Variants in NAV2 observed in about 807,000 individuals in gnomAD.
NAV2 encodes the protein helicase, APC down-regulated 1.
Under a neutral mutation model 223.2 loss-of-function variants are expected in NAV2, and 54 were observed. The observed-to-expected ratio is 0.24, with a 90% confidence interval of 0.19 to 0.30. The LOEUF (loss-of-function observed/expected upper bound fraction) is 0.30, where lower values mean the gene tolerates loss of function less well. Among genes scored for constraint, NAV2 ranks in the 10% least tolerant of loss-of-function variants. The probability of loss-of-function intolerance (pLI) is 1.00; values close to 1 mark genes in which losing one functional copy is unlikely to be tolerated. For missense variants in NAV2, 2,806 were observed against 3,147.5 expected (o/e 0.89, Z 2.60); for synonymous variants, 1,279 against 1,239.3 (o/e 1.03, Z -0.67).
chr11:19,723,546 C>A (rs763673016), intron 1 of NAV2, among the ~76,000 whole-genome samples: 6 of 152,238 alleles, frequency 3.9e-5, no homozygotes, highest in Non-Finnish European at 8.8e-5. Context: ...GGAGCCTACT[C>A]CCTGCTTCCC....
chr11:19,446,779 A>T (rs1481650816), intron 1 of NAV2, among the ~76,000 whole-genome samples: 1 of 152,126 alleles, frequency 6.6e-6, no homozygotes, highest in Non-Finnish European at 1.5e-5. Context: ...AGGTCATTGT[A>T]AAGGCCATTG....
intron 12 of NAV2, among the ~76,000 whole-genome samples, chr11:20,037,600 G>C (rs1267034552): frequency 6.6e-6 from 1 of 152,172 alleles, no homozygotes; most frequent in Admixed American, 6.6e-5. Context: ...GACTAGAAAG[G>C]GGGCCATGGG....
chr11:19,607,270 C>G (rs906191524), intron 1 of NAV2, among the ~76,000 whole-genome samples: 1 of 152,210 alleles, frequency 6.6e-6, no homozygotes, highest in African/African-American at 2.4e-5. Flanking sequence ...CTTCCACTGT[C>G]TGCCTTTGAA....
At chr11:19,531,226 A>G (rs1228005777) in intron 1 of NAV2, among the ~76,000 whole-genome samples, 3 of 152,230 alleles carry the variant, frequency 2.0e-5, no homozygotes, top group Non-Finnish European at 4.4e-5. Context: ...AACAGAAGAT[A>G]GACATGGAAA....
intron 1 of NAV2, among the ~76,000 whole-genome samples, chr11:19,587,029 G>T (rs1293057928): frequency 6.6e-6 from 1 of 152,214 alleles, no homozygotes; most frequent in Non-Finnish European, 1.5e-5. Context: ...GCTCCACCCA[G>T]TTCGAGCTTC....
chr11:19,418,805 T>A (rs1850488337), intron 1 of NAV2, among the ~76,000 whole-genome samples: 1 of 152,160 alleles, frequency 6.6e-6, no homozygotes, highest in Non-Finnish European at 1.5e-5. Context: ...GAGTTGCATC[T>A]GCTATATAGC....
intron 11 of NAV2, among the ~76,000 whole-genome samples, chr11:20,009,303 G>A (rs1210787403): frequency 6.6e-6 from 1 of 152,110 alleles, no homozygotes; most frequent in East Asian, 1.9e-4. Context: ...AGCGTCTAGA[G>A]TAACTTCAGT....
At chr11:19,649,521 G>A (rs2047906506) in intron 1 of NAV2, among the ~76,000 whole-genome samples, 1 of 152,280 alleles carries the variant, frequency 6.6e-6, no homozygotes, top group East Asian at 1.9e-4. Context: ...CTGCTTCCTG[G>A]TTCACAGATG....
chr11:19,996,347 C>T (rs1173965545), intron 11 of NAV2, among the ~76,000 whole-genome samples: 1 of 152,216 alleles, frequency 6.6e-6, no homozygotes, highest in Non-Finnish European at 1.5e-5. Flanking sequence ...AAAGCCACTG[C>T]ATCTGGATTT....
intron 11 of NAV2, among the ~76,000 whole-genome samples, chr11:20,003,708 A>G (rs1256154813): frequency 6.6e-6 from 1 of 152,220 alleles, no homozygotes; most frequent in African/African-American, 2.4e-5. Flanking sequence ...ATTCACATCC[A>G]CCTACCTGCA....
At chr11:19,426,928 A>G (rs1046365698) in intron 1 of NAV2, among the ~76,000 whole-genome samples, 1 of 152,204 alleles carries the variant, frequency 6.6e-6, no homozygotes, top group Non-Finnish European at 1.5e-5. Context: ...TGCTTCACAC[A>G]GAGCATCCAT....
intron 25 of NAV2, chr11:20,082,750 G>T: frequency 1.1e-6 from 1 of 923,978 alleles, no homozygotes. Flanking sequence ...GCCAGACTCT[G>T]TGTTGCTGTT....
In NAV2 at chr11:20,120,375, TA is replaced by T. The variant is rs1043519638; in HGVS notation, c.*2121del. 59 of 152,726 alleles carry T rather than the reference TA, an allele frequency of 3.9e-4. No homozygotes were observed. The highest frequency in any genetic ancestry group is 1.2e-3 in the African/African-American group (49 of 41,570). The allele number at this position is 152,726 out of a possible 1,614,324, so 9.5% of individuals were successfully genotyped here. A position where few individuals can be genotyped will look rare whatever the true frequency, so the allele number is the denominator to read the frequency against. On this transcript the variant is annotated 3_prime_UTR_variant, in exon 38 of 38. Transcript: ENST00000349880. ...TGTCTTGTTCTGTTTTTCTTTTTAA[TA>T]AAACTTTTAAACCATATATTTAGCC...
At chr11:20,054,019 C>A (rs1433225257) in intron 17 of NAV2, 61 bp from the exon 18 acceptor site, 1 of 1,530,120 alleles carries the variant, frequency 6.5e-7, no homozygotes, top group East Asian at 2.3e-5. Flanking sequence ...ATCAGCTCCA[C>A]AGAGTTCATT....
At chr11:19,683,743 G>C (rs2048939361) in intron 1 of NAV2, among the ~76,000 whole-genome samples, 1 of 152,212 alleles carries the variant, frequency 6.6e-6, no homozygotes, top group Non-Finnish European at 1.5e-5. Flanking sequence ...ACATGAGCAA[G>C]TCATTCAGCC....
intron 1 of NAV2, among the ~76,000 whole-genome samples, chr11:19,428,066 T>C (rs1443422153): frequency 6.6e-6 from 1 of 152,196 alleles, no homozygotes; most frequent in African/African-American, 2.4e-5. Flanking sequence ...TTCTTTACCC[T>C]GAGGTTGTAA....
At chr11:19,757,445 G>T (rs917552885) in intron 1 of NAV2, among the ~76,000 whole-genome samples, 1 of 152,220 alleles carries the variant, frequency 6.6e-6, no homozygotes, top group Non-Finnish European at 1.5e-5. Context: ...GTGGTGACAA[G>T]AAGAGAGTTT....
chr11:20,111,826 G>C (rs148806566), intron 36 of NAV2, among the ~76,000 whole-genome samples: 1 of 152,216 alleles, frequency 6.6e-6, no homozygotes, highest in Non-Finnish European at 1.5e-5. Context: ...TTTCAGGCTG[G>C]TTTCTATGAA....
At chr11:20,092,089 C>A (rs368625032) in intron 27 of NAV2, 117 bp from the exon 28 acceptor site, 44 of 921,960 alleles carry the variant, frequency 4.8e-5, no homozygotes, top group African/African-American at 4.8e-4. Flanking sequence ...GGGTGTTGTT[C>A]GCCTTGGGTG....
Sources: gnomAD v4.1 joint callset for allele counts (sites outside exome capture counted in the v4.1 genomes callset) on GRCh38, gnomAD v4.1.1 for gene constraint, MANE v1.5 for transcripts, NCBI Gene and HGNC (gene_info 2026-07-23, HGNC 2026-07-21) for gene names.